Variants in UBE2K observed in about 807,000 individuals in gnomAD.
UBE2K encodes the protein ubiquitin conjugating enzyme E2 K, also known as ubiquitin-conjugating enzyme E2 K.
A neutral mutation model predicts 30.0 loss-of-function variants in UBE2K; 6 were observed. The observed-to-expected ratio is 0.20, with a 90% confidence interval of 0.11 to 0.39. UBE2K has a LOEUF of 0.39. Ranked by LOEUF, UBE2K falls within the 10% of genes least tolerant of loss-of-function variation. UBE2K has a pLI of 1.00. For missense variants in UBE2K, 61 were observed against 241.6 expected (o/e 0.25, Z 4.96); for synonymous variants, 86 against 83.7 (o/e 1.03, Z -0.15).
chr4:39,744,002 G>A (rs573279118), intron 2 of UBE2K, among the ~76,000 whole-genome samples: 4 of 151,954 alleles, frequency 2.6e-5, no homozygotes, highest in Admixed American at 2.6e-4. Context: ...AGCTGGGATC[G>A]TAGGCACATG....
intron 1 of UBE2K, among the ~76,000 whole-genome samples, chr4:39,735,046 T>C (rs1370453502): frequency 6.6e-6 from 1 of 152,170 alleles, no homozygotes; most frequent in East Asian, 1.9e-4. Flanking sequence ...TATCGAGATC[T>C]TTGAAAGCAT....
At chr4:39,708,629 C>T (rs1429575061) in intron 1 of UBE2K, among the ~76,000 whole-genome samples, 2 of 151,948 alleles carry the variant, frequency 1.3e-5, no homozygotes, top group South Asian at 2.1e-4. Context: ...CAAAATCTTT[C>T]TTAAGAAAAA....
chr4:39,770,697 C>T (rs547997385), intron 4 of UBE2K: 5 of 1,573,600 alleles, frequency 3.2e-6, no homozygotes, highest in Non-Finnish European at 4.3e-6. Flanking sequence ...GGGCACGCTG[C>T]TCTGGGCCAG....
intron 1 of UBE2K, among the ~76,000 whole-genome samples, chr4:39,733,659 G>A (rs952882572): frequency 1.1e-4 from 17 of 152,198 alleles, no homozygotes; most frequent in African/African-American, 4.1e-4. Flanking sequence ...AGTTAATGTT[G>A]TTAGGGAAAG....
intron 1 of UBE2K, among the ~76,000 whole-genome samples, chr4:39,703,630 C>T (rs752349296): frequency 7.9e-5 from 12 of 151,604 alleles, no homozygotes; most frequent in Admixed American, 1.3e-4. Flanking sequence ...AGGTGGATCA[C>T]GAGGTCAGGA....
In UBE2K at chr4:39,778,584, A is replaced by G. The variant is rs1713417282; in HGVS notation, c.*150A>G. 1 of 496,452 alleles carries G rather than the reference A, an allele frequency of 2.0e-6. No individual in the cohort carries two copies. The highest frequency in any genetic ancestry group is 2.0e-5 in the African/African-American group (1 of 51,244). The allele number at this position is 496,452 out of a possible 1,614,324, so 30.8% of individuals were successfully genotyped here. On this transcript the variant is annotated 3_prime_UTR_variant, in exon 7 of 7. Coordinates refer to ENST00000261427, the MANE Select transcript of UBE2K (RefSeq NM_005339.5). ...CACCATTGGAGACTGAAAAAAAAAA[A>G]TCCCTGCTCTGTAAATAAAGCTAAT...
At position 39,758,351 on chromosome 4, in the gene UBE2K, G is replaced by C. The variant is rs1396414974; in HGVS notation, c.299+2612G>C. Among the ~76,000 whole-genome samples the C allele has an allele frequency of 2.6e-5, 4 of 152,056 alleles. No individual in the cohort carries two copies. In the East Asian group the frequency reaches 7.7e-4, roughly 29 times the overall value. Reference sequence around the variant, plus strand: ...CTGCTTCTGGCTTTTACCTACTCAGGCTATTCCCAGCACCCAGAATGACAA... The same window carrying C: ...CTGCTTCTGGCTTTTACCTACTCAGCCTATTCCCAGCACCCAGAATGACAA... On this transcript the variant is annotated intron_variant, in intron 4 of 6. Coordinates refer to ENST00000261427, the MANE Select transcript of UBE2K (RefSeq NM_005339.5).
intron 1 of UBE2K, among the ~76,000 whole-genome samples, chr4:39,724,661 T>C (rs913559860): frequency 2.0e-5 from 3 of 146,850 alleles, no homozygotes; most frequent in Non-Finnish European, 4.5e-5. Flanking sequence ...CCCAGCTACT[T>C]GGGGGGGCTG....
chr4:39,713,304 A>G (rs868624536), intron 1 of UBE2K, among the ~76,000 whole-genome samples: 1 of 8,048 alleles, frequency 1.2e-4, no homozygotes, highest in African/African-American at 9.4e-4. Flanking sequence ...TTTTTTTTTG[A>G]GACAGTTCTT....
At chr4:39,762,893 T>TGTTG (rs1712048556) in intron 4 of UBE2K, among the ~76,000 whole-genome samples, 1 of 149,674 alleles carries the variant, frequency 6.7e-6, no homozygotes, top group Admixed American at 6.7e-5. Flanking sequence ...CCTCCTAAAG[T>TGTTG]GTTGGGATTA....
chr4:39,777,846 G>A, intron 6 of UBE2K, 36 bp downstream of exon 6: 5 of 1,370,520 alleles, frequency 3.6e-6, no homozygotes, highest in Non-Finnish European at 4.7e-6. Flanking sequence ...TTGATATATT[G>A]ATTGATTTTA....
intron 4 of UBE2K, among the ~76,000 whole-genome samples, chr4:39,773,710 A>G (rs369637778): frequency 1.3e-4 from 20 of 152,054 alleles, no homozygotes; most frequent in African/African-American, 4.6e-4. Flanking sequence ...TCACGAGGTC[A>G]GGAGATCGAG....
chr4:39,751,668 C>G (rs904642295), intron 3 of UBE2K, among the ~76,000 whole-genome samples: 2 of 151,966 alleles, frequency 1.3e-5, no homozygotes, highest in African/African-American at 4.8e-5. Flanking sequence ...GAGTAAGACC[C>G]TGTCTCAAAA....
intron 1 of UBE2K, among the ~76,000 whole-genome samples, 195 bp from the exon 2 acceptor site, chr4:39,737,225 A>G (rs1260264135): frequency 6.6e-6 from 1 of 152,212 alleles, no homozygotes; most frequent in Non-Finnish European, 1.5e-5. Context: ...GTTTAAAACA[A>G]TGAAGTTAGA....
Position 39,746,406 on chromosome 4 carries a change from C to CT in UBE2K, c.216+600dup, listed in dbSNP as rs200331618. 4.8e-4 allele frequency among the ~76,000 whole-genome samples: 73 copies of CT among 152,264 alleles called. No homozygotes were observed. In the East Asian group the frequency reaches 0.012, roughly 24 times the overall value. ...TTGAACCACTTTCTTTATGTCTCTGCTTTTACTGTCATCAGCACTTTAGGC... is the reference window on the plus strand; with the variant it reads ...TTGAACCACTTTCTTTATGTCTCTGCTTTTTACTGTCATCAGCACTTTAGGC... On this transcript the variant is annotated intron_variant, in intron 3 of 6. Coordinates refer to ENST00000261427, the MANE Select transcript of UBE2K (RefSeq NM_005339.5).
At chr4:39,725,109 G>C (rs1024322298) in intron 1 of UBE2K, among the ~76,000 whole-genome samples, 3 of 152,064 alleles carry the variant, frequency 2.0e-5, no homozygotes, top group African/African-American at 7.2e-5. Flanking sequence ...GGCCAGGCAT[G>C]GTGGCTGACA....
At chr4:39,713,285 A>C (rs1044737718) in intron 1 of UBE2K, among the ~76,000 whole-genome samples, 1 of 39,370 alleles carries the variant, frequency 2.5e-5, no homozygotes, top group Non-Finnish European at 4.4e-5. Context: ...TTCTGTAGGA[A>C]ATTTTTTTTT....
chr4:39,715,423 C>T (rs1719005910), intron 1 of UBE2K, among the ~76,000 whole-genome samples: 1 of 152,064 alleles, frequency 6.6e-6, no homozygotes. Flanking sequence ...CCTCCCAACT[C>T]AGCCTCCCAA....
Position 39,701,211 on chromosome 4 carries a change from G to A in UBE2K, c.63+2821G>A, listed in dbSNP as rs965802746. ...TAAATATGAGTGTGAATTTTAAGTAGTTTTAAATAATATTCCAAAGTTGTT... is the reference window on the plus strand; with the variant it reads ...TAAATATGAGTGTGAATTTTAAGTAATTTTAAATAATATTCCAAAGTTGTT... On this transcript the variant is annotated intron_variant, in intron 1 of 6. Transcript: ENST00000261427. Among the ~76,000 whole-genome samples the A allele has an allele frequency of 2.0e-5, 3 of 152,076 alleles. No homozygotes were observed. The South Asian group carries it at 6.2e-4, about 32-fold the overall frequency.
Sources: gnomAD v4.1 joint callset for allele counts (sites outside exome capture counted in the v4.1 genomes callset) on GRCh38, gnomAD v4.1.1 for gene constraint, MANE v1.5 for transcripts, NCBI Gene and HGNC (gene_info 2026-07-23, HGNC 2026-07-21) for gene names.